Variants in TENM4 observed in about 807,000 individuals in gnomAD.
TENM4 encodes the protein teneurin transmembrane protein 4.
TENM4 carries 82 observed loss-of-function variants against 243.3 expected under a neutral mutation model. That is an observed-to-expected ratio of 0.34 (90% confidence interval 0.28 to 0.40). TENM4 has a LOEUF of 0.40. Ranked by LOEUF, TENM4 falls within the 10% of genes least tolerant of loss-of-function variation. The pLI is 1.00. For synonymous variants in TENM4, 1,412 were observed against 1,456.3 expected (o/e 0.97, Z 0.69); for missense variants, 3,138 against 3,673.3 (o/e 0.85, Z 3.77).
At chr11:79,276,726 G>T (rs1856063163) in intron 2 of TENM4, among the ~76,000 whole-genome samples, 1 of 152,066 alleles carries the variant, frequency 6.6e-6, no homozygotes, top group Non-Finnish European at 1.5e-5. Context: ...AGACTTTGGG[G>T]GCCTCTACCA....
chr11:79,014,330 C>G (rs545810792), intron 6 of TENM4, among the ~76,000 whole-genome samples: 1 of 152,210 alleles, frequency 6.6e-6, no homozygotes, highest in African/African-American at 2.4e-5. Context: ...AGAGAGGAAG[C>G]CTCTTTCTTA....
intron 16 of TENM4, among the ~76,000 whole-genome samples, chr11:78,782,125 T>C (rs1383983641): frequency 6.6e-6 from 1 of 152,186 alleles, no homozygotes; most frequent in Non-Finnish European, 1.5e-5. Flanking sequence ...GGTTAAGGAT[T>C]TTCTGATTAT....
chr11:79,234,097 T>C (rs76854564), intron 2 of TENM4, among the ~76,000 whole-genome samples: 5,724 of 152,298 alleles, frequency 0.038, 341 homozygotes, highest in African/African-American at 0.13. Flanking sequence ...AGTCCCTTCA[T>C]TTCTCTGAGA....
intron 12 of TENM4, among the ~76,000 whole-genome samples, chr11:78,829,945 C>G (rs1255271236): frequency 6.6e-6 from 1 of 152,126 alleles, no homozygotes; most frequent in African/African-American, 2.4e-5. Context: ...GGAACAACAG[C>G]AATTAATGCT....
rs140930730 is a variant in TENM4 at position 79,032,227 on chromosome 11, C to T, written c.493+32511G>A. Among the ~76,000 whole-genome samples the T allele has an allele frequency of 2.0e-4, 30 of 152,314 alleles. No individual in the cohort carries two copies. The East Asian group carries it at 4.8e-3, about 24-fold the overall frequency. On this transcript the variant is annotated intron_variant, in intron 6 of 33. Coordinates refer to ENST00000278550, the MANE Select transcript of TENM4 (RefSeq NM_001098816.3). ...ATGGGAACACAATCCATTGTACAGT[C>T]CAGCTGGAGATGTGAGATCACAGCA...
chr11:78,842,948 A>C (rs1858296872), intron 12 of TENM4, among the ~76,000 whole-genome samples: 1 of 152,022 alleles, frequency 6.6e-6, no homozygotes, highest in African/African-American at 2.4e-5. Flanking sequence ...CTGAGGTGGG[A>C]GGGTCACTTG....
chr11:78,742,502 A>G (rs1397226831), intron 19 of TENM4, among the ~76,000 whole-genome samples: 2 of 152,226 alleles, frequency 1.3e-5, no homozygotes, highest in Non-Finnish European at 2.9e-5. Flanking sequence ...AGAGCTCACT[A>G]AAGCCAACGT....
At chr11:78,961,315 C>CT (rs1857316174) in intron 6 of TENM4, among the ~76,000 whole-genome samples, 1 of 152,212 alleles carries the variant, frequency 6.6e-6, no homozygotes, top group Non-Finnish European at 1.5e-5. Context: ...TGCCCCACCT[C>CT]TTAGAGGTTT....
At position 79,175,742 on chromosome 11, in the gene TENM4, C is replaced by T. The variant is rs374832023; in HGVS notation, c.-162-26936G>A. On this transcript the variant is annotated intron_variant, in intron 3 of 33. Coordinates refer to ENST00000278550, the MANE Select transcript of TENM4 (RefSeq NM_001098816.3). ...CTCATATCTATAGTTTCTAAATTTT[C>T]AAGAAAAAATAAGTATAATTTACTG... is the stretch of plus-strand genomic sequence containing the variant. Among the ~76,000 whole-genome samples, 108 of 151,900 alleles carry T rather than the reference C, an allele frequency of 7.1e-4. 4 individuals are homozygous for T. The South Asian group carries it at 0.02, about 28-fold the overall frequency.
At chr11:79,172,801 G>A (rs755404168) in intron 3 of TENM4, among the ~76,000 whole-genome samples, 3 of 151,742 alleles carry the variant, frequency 2.0e-5, no homozygotes, top group Non-Finnish European at 4.4e-5. Flanking sequence ...ACCACGCCCA[G>A]CTAAATTTTT....
rs115783252 is a variant in TENM4, at chr11:79,157,023, C to T, written c.-162-8217G>A. ...CACAAGGATGCTCAGTGAATGTTTG[C>T]GGAATGAGTGAGATGGGTTGAGAAG... On this transcript the variant is annotated intron_variant, in intron 3 of 33. Transcript: ENST00000278550. 5.7e-3 allele frequency among the ~76,000 whole-genome samples: 868 copies of T among 152,160 alleles called. 4 individuals are homozygous for T. Among genetic ancestry groups the T allele is most frequent in the African/African-American group, 0.019 (768 of 41,510 alleles).
intron 1 of TENM4, among the ~76,000 whole-genome samples, chr11:79,408,223 CTT>C (rs1438004025): frequency 1.3e-5 from 2 of 152,316 alleles, no homozygotes; most frequent in East Asian, 3.9e-4. Flanking sequence ...GCCCAGCCAT[CTT>C]TCCTTTTCTT....
chr11:78,799,973 A>AG (rs1491413547), intron 15 of TENM4, among the ~76,000 whole-genome samples: 2 of 152,116 alleles, frequency 1.3e-5, no homozygotes, highest in Admixed American at 1.3e-4. Context: ...TATGGGGGTA[A>AG]GGGTGGGGAA....
intron 4 of TENM4, among the ~76,000 whole-genome samples, chr11:79,143,847 A>G (rs1021055642): frequency 5.9e-5 from 9 of 151,962 alleles, no homozygotes; most frequent in Non-Finnish European, 1.2e-4. Context: ...GGAAACTACT[A>G]AAAGAAAACA....
chr11:78,994,567 T>C (rs757417715), intron 6 of TENM4, among the ~76,000 whole-genome samples: 1 of 152,250 alleles, frequency 6.6e-6, no homozygotes, highest in Non-Finnish European at 1.5e-5. Context: ...CTGCCTTTTA[T>C]CTAAAATCAG....
intron 3 of TENM4, among the ~76,000 whole-genome samples, chr11:79,206,041 T>C (rs1863845111): frequency 6.6e-6 from 1 of 152,218 alleles, no homozygotes; most frequent in South Asian, 2.1e-4. Context: ...CTAGGCCTTA[T>C]AGGGAGCAAT....
rs1859124179 is a variant in TENM4, at chr11:78,702,178, C to T, written c.4435G>A (p.Gly1479Arg). Reference protein sequence around the residue: ...SATALAVSHNGVLYIAETDEK... With the variant: ...SATALAVSHNRVLYIAETDEK... ...TCAGTCTCAGCAATATACAGGACCC[C>T]ATTGTGTGAAACAGCCAAAGCGGTG... The change falls in exon 28 of 34, where the codon GGG (glycine) becomes AGG (arginine). Residue 1479 changes from glycine to arginine, a missense_variant. This residue lies in a region of TENM4 where 2,467 missense variants were observed against 3,059.1 expected (regional missense o/e 0.81). Transcript: ENST00000278550. 1 of 1,613,890 alleles carries T rather than the reference C, an allele frequency of 6.2e-7. No individual in the cohort carries two copies. Among genetic ancestry groups the T allele is most frequent in the Non-Finnish European group, 8.5e-7 (1 of 1,179,908 alleles).
intron 1 of TENM4, 93 bp from the exon 2 acceptor site, chr11:79,297,636 C>T (rs868673193): frequency 8.5e-5 from 13 of 152,546 alleles, no homozygotes; most frequent in Middle Eastern, 6.3e-3. Flanking sequence ...TTACCAACTA[C>T]TTATGATTCC....
At chr11:79,276,518 A>G (rs1264141082) in intron 2 of TENM4, among the ~76,000 whole-genome samples, 1 of 152,222 alleles carries the variant, frequency 6.6e-6, no homozygotes, top group African/African-American at 2.4e-5. Context: ...AGCTGCTGCT[A>G]GGGATACATC....
Sources: gnomAD v4.1 joint callset for allele counts (sites outside exome capture counted in the v4.1 genomes callset) on GRCh38, gnomAD v4.1.1 for gene constraint, gnomAD v4.1.1 regional missense constraint, MANE v1.5 for transcripts, NCBI Gene and HGNC (gene_info 2026-07-23, HGNC 2026-07-21) for gene names.